CDK5RAP2: variants seen among roughly 807,000 people sequenced by gnomAD.
The protein encoded by CDK5RAP2 is CDK5 regulatory subunit associated protein 2.
In CDK5RAP2, 147 loss-of-function variants were observed where a neutral mutation model predicts 232.9. The ratio of observed to expected loss-of-function variants is 0.63; its 90% CI spans 0.55 to 0.72. The LOEUF is 0.72. Ranked by LOEUF, CDK5RAP2 falls within the 30% of genes least tolerant of loss-of-function variation. The pLI is 0.00. For missense variants in CDK5RAP2, 2,195 were observed against 2,231.5 expected (o/e 0.98, Z 0.33); for synonymous variants, 833 against 833.7 (o/e 1.00, Z 0.01).
chr9:120,463,196 C>T (rs1473907316), intron 18 of CDK5RAP2, among the ~76,000 whole-genome samples: 1 of 152,142 alleles, frequency 6.6e-6, no homozygotes, highest in Non-Finnish European at 1.5e-5. Flanking sequence ...ATGGTGAAAT[C>T]TTGTCTCTAC....
Position 120,467,973 on chromosome 9 carries a change from T to C in CDK5RAP2, c.1993A>G (p.Lys665Glu), listed in dbSNP as rs760887291. The change falls in exon 18 of 38, where the codon AAG becomes GAG. Residue 665 changes from lysine (K) to glutamate (E), a missense_variant. By Grantham distance (56) the Lys-to-Glu change is moderately conservative (BLOSUM62 1). Coordinates refer to ENST00000349780, the MANE Select transcript of CDK5RAP2 (RefSeq NM_018249.6). ...TGCTGGTTGTCTGTATACAGCTCCT[T>C]CACTAGCTGTATAAGGTCACTGACC... is the stretch of plus-strand genomic sequence containing the variant. The part of the protein sequence containing the change: ...KKVSDLIQLV[K>E]ELYTDNQHLK... 2.5e-6 allele frequency: 4 copies of C among 1,613,996 alleles called. No homozygotes were observed. The highest frequency in any genetic ancestry group is 4.5e-5 in the East Asian group (2 of 44,878).
chr9:120,413,807 C>CGAGGAGAGGGGAGGGAGGAGG (rs1448879980), intron 28 of CDK5RAP2, among the ~76,000 whole-genome samples: 4 of 111,972 alleles, frequency 3.6e-5, no homozygotes, highest in East Asian at 6.6e-4. Context: ...GCGCAGTGAG[C>CGAGGAGAGGGGAGGGAGGAGG]GAGGAGGGAG....
At chr9:120,579,495 T>C (rs1173348347) in intron 1 of CDK5RAP2, among the ~76,000 whole-genome samples, 2 of 152,166 alleles carry the variant, frequency 1.3e-5, no homozygotes, top group Non-Finnish European at 2.9e-5. Flanking sequence ...GTGGCCACTA[T>C]GTGACCCAAA....
intron 25 of CDK5RAP2, among the ~76,000 whole-genome samples, chr9:120,427,182 G>T (rs965072181): frequency 1.3e-5 from 2 of 152,142 alleles, no homozygotes; most frequent in African/African-American, 4.8e-5. Flanking sequence ...GAAATCAGGG[G>T]TGTCCAATCT....
At chr9:120,425,090 C>T (rs2034811500) in intron 25 of CDK5RAP2, among the ~76,000 whole-genome samples, 1 of 152,132 alleles carries the variant, frequency 6.6e-6, no homozygotes, top group Non-Finnish European at 1.5e-5. Flanking sequence ...TTCCGGGTCT[C>T]CAGATCTTAG....
intron 1 of CDK5RAP2, among the ~76,000 whole-genome samples, chr9:120,573,821 A>G (rs1290025819): frequency 6.6e-6 from 1 of 152,198 alleles, no homozygotes; most frequent in African/African-American, 2.4e-5. Flanking sequence ...AAACATCACT[A>G]AAAGGACAAA....
intron 32 of CDK5RAP2, 121 bp downstream of exon 32, chr9:120,406,891 C>A (rs992079969): frequency 5.1e-6 from 4 of 780,836 alleles, no homozygotes; most frequent in Non-Finnish European, 8.7e-6. Context: ...TAGGGTACAG[C>A]ATGTCAGCTA....
chr9:120,450,650 C>T (rs2036435219), intron 21 of CDK5RAP2, among the ~76,000 whole-genome samples: 1 of 152,136 alleles, frequency 6.6e-6, no homozygotes, highest in Admixed American at 6.5e-5. Context: ...AGAGTAAGGG[C>T]CCCTTCTTGA....
chr9:120,451,567 A>G (rs557062539), intron 21 of CDK5RAP2, among the ~76,000 whole-genome samples: 2 of 152,270 alleles, frequency 1.3e-5, no homozygotes, highest in South Asian at 4.1e-4. Flanking sequence ...TCAACTCCTT[A>G]ACTACCAAAG....
At chr9:120,408,210 G>T in intron 31 of CDK5RAP2, 137 bp downstream of exon 31, 2 of 968,628 alleles carry the variant, frequency 2.1e-6, no homozygotes, top group Non-Finnish European at 3.3e-6. Flanking sequence ...CAAAGAGCTA[G>T]CTTCAACACC....
intron 25 of CDK5RAP2, among the ~76,000 whole-genome samples, chr9:120,430,904 C>G (rs1176301369): frequency 6.6e-6 from 1 of 152,142 alleles, no homozygotes; most frequent in Non-Finnish European, 1.5e-5. Context: ...AAATGTGGCA[C>G]ATATACACCA....
chr9:120,489,413 C>T (rs2131625636), intron 13 of CDK5RAP2, among the ~76,000 whole-genome samples: 1 of 152,104 alleles, frequency 6.6e-6, no homozygotes, highest in African/African-American at 2.4e-5. Context: ...GAATTTTCTC[C>T]TATTACTTTG....
At chr9:120,391,831 C>G (rs2032011981) in intron 36 of CDK5RAP2, among the ~76,000 whole-genome samples, 1 of 152,180 alleles carries the variant, frequency 6.6e-6, no homozygotes, top group Non-Finnish European at 1.5e-5. Flanking sequence ...AGACCCAGAG[C>G]AGGTCTGTGA....
At chr9:120,524,879 C>A in intron 11 of CDK5RAP2, 107 bp downstream of exon 11, 1 of 786,946 alleles carries the variant, frequency 1.3e-6, no homozygotes, top group East Asian at 2.6e-5. Context: ...GAAGACCACC[C>A]ACAGTTTTCC....
chr9:120,567,608 C>T (rs1429284280), intron 3 of CDK5RAP2, among the ~76,000 whole-genome samples: 1 of 152,126 alleles, frequency 6.6e-6, no homozygotes, highest in African/African-American at 2.4e-5. Context: ...ACCCCCTCTG[C>T]TAATAAATGA....
chr9:120,392,180 A>T (rs1218292647), intron 36 of CDK5RAP2, among the ~76,000 whole-genome samples: 1 of 152,168 alleles, frequency 6.6e-6, no homozygotes, highest in African/African-American at 2.4e-5. Context: ...TAAGTACAAT[A>T]CAGTTTAGGT....
At chr9:120,552,273 A>C (rs2042070578) in intron 3 of CDK5RAP2, among the ~76,000 whole-genome samples, 2 of 151,942 alleles carry the variant, frequency 1.3e-5, no homozygotes, top group African/African-American at 2.4e-5. Context: ...ACCATTGTGG[A>C]AGTCAGTGTG....
chr9:120,531,121 T>A (rs2041132745), intron 7 of CDK5RAP2, among the ~76,000 whole-genome samples: 2 of 152,090 alleles, frequency 1.3e-5, no homozygotes, highest in Admixed American at 1.3e-4. Context: ...AGCTTCAGTC[T>A]CATCTCTCAC....
At chr9:120,572,088 C>T (rs1041464715) in intron 1 of CDK5RAP2, 47 bp from the exon 2 acceptor site, 1 of 1,414,294 alleles carries the variant, frequency 7.1e-7, no homozygotes, top group Admixed American at 1.7e-5. Context: ...GTTTGAACAA[C>T]AGAGACTGTT....
Sources: allele counts gnomAD v4.1 joint callset (sites outside exome capture counted in the v4.1 genomes callset), GRCh38; gene constraint gnomAD v4.1.1; transcripts MANE v1.5; gene names NCBI Gene and HGNC (gene_info 2026-07-23, HGNC 2026-07-21).